The following DENND1B variants were observed in gnomAD, a reference collection of about 807,000 sequenced individuals.
DENND1B encodes DENN domain containing 1B.
In DENND1B, 59 loss-of-function variants were observed where a neutral mutation model predicts 90.1. The ratio of observed to expected loss-of-function variants is 0.65; its 90% CI spans 0.53 to 0.81. The LOEUF (loss-of-function observed/expected upper bound fraction) is 0.81, where lower values mean the gene tolerates loss of function less well. Among genes scored for constraint, DENND1B ranks in the 40% least tolerant of loss-of-function variants. DENND1B has a pLI of 0.00. For missense variants in DENND1B, 862 were observed against 912.6 expected (o/e 0.94, Z 0.71); for synonymous variants, 337 against 324.6 (o/e 1.04, Z -0.41).
chr1:197,636,436 G>A (rs1679800816), intron 10 of DENND1B, among the ~76,000 whole-genome samples: 1 of 152,092 alleles, frequency 6.6e-6, no homozygotes, highest in Admixed American at 6.6e-5. Flanking sequence ...ATTGTAAGAG[G>A]CAAAATTGCA....
intron 15 of DENND1B, among the ~76,000 whole-genome samples, chr1:197,561,481 T>C (rs1003710409): frequency 6.6e-6 from 1 of 151,876 alleles, no homozygotes; most frequent in Non-Finnish European, 1.5e-5. Flanking sequence ...TACTTTCTTA[T>C]CATTTCTATT....
At chr1:197,588,022 A>G (rs1457776472) in intron 14 of DENND1B, among the ~76,000 whole-genome samples, 1 of 152,098 alleles carries the variant, frequency 6.6e-6, no homozygotes, top group African/African-American at 2.4e-5. Flanking sequence ...AATGTGAGCC[A>G]TGGGGAGCGG....
At chr1:197,704,844 A>G (rs1398639515) in intron 3 of DENND1B, among the ~76,000 whole-genome samples, 1 of 146,816 alleles carries the variant, frequency 6.8e-6, no homozygotes, top group Non-Finnish European at 1.5e-5. Flanking sequence ...TTCCAAGCAG[A>G]AAAAAAAAAA....
intron 3 of DENND1B, among the ~76,000 whole-genome samples, chr1:197,699,549 T>A (rs957856029): frequency 1.3e-5 from 2 of 152,112 alleles, no homozygotes; most frequent in African/African-American, 4.8e-5. Context: ...GTATTGGATG[T>A]TCTGGCCAGG....
chr1:197,577,889 A>G (rs565959869), intron 15 of DENND1B, among the ~76,000 whole-genome samples: 2 of 152,350 alleles, frequency 1.3e-5, no homozygotes, highest in South Asian at 2.1e-4. Flanking sequence ...TCATGTTACA[A>G]TGCAGAAACT....
intron 5 of DENND1B, among the ~76,000 whole-genome samples, chr1:197,670,026 T>G (rs1185341939): frequency 6.6e-6 from 1 of 152,144 alleles, no homozygotes; most frequent in Non-Finnish European, 1.5e-5. Flanking sequence ...GATTATTGTA[T>G]TTGCTTTAGA....
chr1:197,617,927 C>T (rs1408436252), intron 10 of DENND1B, among the ~76,000 whole-genome samples, 168 bp from the exon 11 acceptor site: 1 of 151,074 alleles, frequency 6.6e-6, no homozygotes, highest in Non-Finnish European at 1.5e-5. Flanking sequence ...ATCTCAGAGG[C>T]CCCTCTGAAA....
chr1:197,620,295 C>T (rs1421014503), intron 10 of DENND1B, among the ~76,000 whole-genome samples: 1 of 151,284 alleles, frequency 6.6e-6, no homozygotes, highest in Non-Finnish European at 1.5e-5. Context: ...AAATGTAACA[C>T]ATTCATATGT....
intron 15 of DENND1B, among the ~76,000 whole-genome samples, chr1:197,568,390 T>G (rs1397488962): frequency 6.6e-6 from 1 of 152,140 alleles, no homozygotes; most frequent in African/African-American, 2.4e-5. Flanking sequence ...TGTTCATGGA[T>G]GGAAGAATTA....
the DENND1B span, among the ~76,000 whole-genome samples, chr1:197,781,975 A>G: frequency 2.6e-5 from 4 of 152,174 alleles, no homozygotes; most frequent in African/African-American, 9.7e-5. Flanking sequence ...AAAAATTGTA[A>G]ATAAATTTTC....
intron 3 of DENND1B, among the ~76,000 whole-genome samples, chr1:197,685,285 C>T (rs1220403065): frequency 6.6e-6 from 1 of 152,058 alleles, no homozygotes; most frequent in East Asian, 1.9e-4. Context: ...TCATCTTAAG[C>T]TCAGGATTGG....
At chr1:197,527,587 C>A (rs2125627262) in intron 20 of DENND1B, among the ~76,000 whole-genome samples, 1 of 152,038 alleles carries the variant, frequency 6.6e-6, no homozygotes, top group South Asian at 2.1e-4. Context: ...TGGCCTATCG[C>A]TTGAAGTTTT....
chr1:197,621,916 A>G (rs1187565164), intron 10 of DENND1B, among the ~76,000 whole-genome samples: 2 of 151,506 alleles, frequency 1.3e-5, no homozygotes, highest in African/African-American at 4.8e-5. Flanking sequence ...ATTTTCATAA[A>G]GCATACCCAA....
chr1:197,623,073 G>C (rs1678321890), intron 10 of DENND1B, among the ~76,000 whole-genome samples: 1 of 151,258 alleles, frequency 6.6e-6, no homozygotes, highest in South Asian at 2.1e-4. Context: ...CACCTATCTA[G>C]ATTGTGCCTC....
intron 3 of DENND1B, among the ~76,000 whole-genome samples, chr1:197,693,734 C>A (rs1246905157): frequency 6.6e-6 from 1 of 151,422 alleles, no homozygotes; most frequent in African/African-American, 2.4e-5. Flanking sequence ...CCTAGCTTTT[C>A]TTTGAGCTCC....
chr1:197,602,835 G>A lies in DENND1B; in HGVS notation c.921+4238C>T, dbSNP rs569683603. Reference sequence around the variant, plus strand: ...GTAGATATTCAAATATTTGATATCAGAATTTTAGAGGTTTTCTCCAGTTCT... The same window carrying A: ...GTAGATATTCAAATATTTGATATCAAAATTTTAGAGGTTTTCTCCAGTTCT... On this transcript the variant is annotated intron_variant, in intron 13 of 22. Transcript: ENST00000620048. 6.6e-5 allele frequency among the ~76,000 whole-genome samples: 10 copies of A among 151,482 alleles called. 1 individual carries two copies. Among genetic ancestry groups the A allele is most frequent in the Admixed American group, 4.6e-4 (7 of 15,158 alleles).
At position 197,642,823 on chromosome 1, in the gene DENND1B, T is replaced by G; in HGVS notation, c.562-2A>C. The G allele has an allele frequency of 6.2e-7, 1 of 1,605,838 alleles. No homozygotes were observed. The highest frequency in any genetic ancestry group is 8.5e-7 in the Non-Finnish European group (1 of 1,174,316). On this transcript the variant is annotated splice_acceptor_variant, in intron 9 of 22. Transcript: ENST00000620048. LOFTEE classifies it high-confidence loss of function. ...AACAAAATATTCTGTAAGATTTCTC[T>G]GTACAAGTAAAAGATAATTGTGTAA...
At chr1:197,643,703 T>C (rs1282723876) in intron 9 of DENND1B, among the ~76,000 whole-genome samples, 3 of 152,174 alleles carry the variant, frequency 2.0e-5, no homozygotes, top group Non-Finnish European at 4.4e-5. Context: ...TTGCTTTATA[T>C]CCACTATAAT....
At chr1:197,716,844 A>T (rs1428055385) in intron 2 of DENND1B, among the ~76,000 whole-genome samples, 1 of 152,002 alleles carries the variant, frequency 6.6e-6, no homozygotes, top group African/African-American at 2.4e-5. Context: ...ACTATGTCTT[A>T]AATAAGTATA....
Sources: allele counts gnomAD v4.1 joint callset (sites outside exome capture counted in the v4.1 genomes callset), GRCh38; gene constraint gnomAD v4.1.1; transcripts MANE v1.5; gene names NCBI Gene and HGNC (gene_info 2026-07-23, HGNC 2026-07-21).